The following SCAF8 variants were observed in gnomAD, a reference collection of about 807,000 sequenced individuals.
SCAF8 encodes the protein SR-related CTD associated factor 8.
In SCAF8, 23 loss-of-function variants were observed where a neutral mutation model predicts 140.5. The observed-to-expected ratio is 0.16, with a 90% CI of 0.12 to 0.23. The LOEUF is 0.23. Ranked by LOEUF, SCAF8 falls within the 10% of genes least tolerant of loss-of-function variation. The probability of loss-of-function intolerance (pLI) is 1.00; values close to 1 mark genes in which losing one functional copy is unlikely to be tolerated. For synonymous variants in SCAF8, 575 were observed against 528.9 expected, an observed-to-expected ratio of 1.09 and a Z score of -1.20; for missense variants, 1,397 against 1,555.7, an observed-to-expected ratio of 0.90 and a Z score of 1.72.
chr6:154,809,842 AC>A (rs1778037299), intron 11 of SCAF8, among the ~76,000 whole-genome samples, 172 bp from the exon 12 acceptor site: 1 of 152,202 alleles, frequency 6.6e-6, no homozygotes, highest in African/African-American at 2.4e-5. Flanking sequence ...TAAGCAGCAC[AC>A]GGATTTAAGT....
chr6:154,773,804 T>C (rs574651162), intron 1 of SCAF8, among the ~76,000 whole-genome samples, 185 bp from the exon 2 acceptor site: 23 of 152,338 alleles, frequency 1.5e-4, no homozygotes, highest in African/African-American at 5.3e-4. Context: ...AGCAAGTAAG[T>C]GTGAAGTGGT....
chr6:154,757,055 T>C (rs921273866), intron 1 of SCAF8, among the ~76,000 whole-genome samples: 2 of 151,756 alleles, frequency 1.3e-5, no homozygotes, highest in Non-Finnish European at 2.9e-5. Context: ...TTTTTGAGTC[T>C]CACTCTGTTG....
At chr6:154,735,182 A>C (rs1169558769) in intron 1 of SCAF8, among the ~76,000 whole-genome samples, 2 of 152,052 alleles carry the variant, frequency 1.3e-5, no homozygotes, top group African/African-American at 4.8e-5. Context: ...AATTAGCATA[A>C]ATTTTATGAA....
At chr6:154,816,979 G>T (rs1292546583) in intron 13 of SCAF8, among the ~76,000 whole-genome samples, 1 of 152,110 alleles carries the variant, frequency 6.6e-6, no homozygotes, top group Non-Finnish European at 1.5e-5. Context: ...GGGTACTTCA[G>T]ATTTCTCTTT....
At chr6:154,754,485 A>T (rs1562428243) in intron 1 of SCAF8, among the ~76,000 whole-genome samples, 1 of 152,250 alleles carries the variant, frequency 6.6e-6, no homozygotes, top group Admixed American at 6.5e-5. Flanking sequence ...ACTCACAAGC[A>T]GTTTGATTTT....
At position 154,733,799 on chromosome 6, in the gene SCAF8, C is replaced by T. The variant is rs1489034293; in HGVS notation, c.-102C>T. 7.0e-6 allele frequency: 10 copies of T among 1,423,546 alleles called. No individual in the cohort carries two copies. In the South Asian group the frequency reaches 7.7e-5, roughly 11 times the overall value. 88.2% of individuals were successfully genotyped at this position (1,423,546 alleles called of 1,614,324 possible). A position where few individuals can be genotyped will look rare whatever the true frequency, so the allele number is the denominator to read the frequency against. On this transcript the variant is annotated 5_prime_UTR_variant, in exon 1 of 20. Transcript: ENST00000367178. The stretch of plus-strand genomic sequence containing the variant: ...AGCGGCCCGCTCTCCCGCCAGCGCC[C>T]CCTCCTCGCGGCCACGCAGCAGCCC...
At chr6:154,746,516 G>A (rs77199240) in intron 1 of SCAF8, among the ~76,000 whole-genome samples, 15 of 152,214 alleles carry the variant, frequency 9.9e-5, no homozygotes, top group Non-Finnish European at 1.5e-4. Context: ...AGTAGGGTTC[G>A]TTCTAGCTTT....
At chr6:154,767,094 G>T (rs944944170) in intron 1 of SCAF8, among the ~76,000 whole-genome samples, 1 of 152,120 alleles carries the variant, frequency 6.6e-6, no homozygotes, top group African/African-American at 2.4e-5. Context: ...TCCCTTACTG[G>T]CAAGGGTACT....
chr6:154,831,255 C>CT (rs376887698), intron 19 of SCAF8, 115 bp downstream of exon 19: 8,068 of 620,662 alleles, frequency 0.013, 414 homozygotes, highest in African/African-American at 0.12. Flanking sequence ...AAATGTCGCA[C>CT]TTTTTTTTTA....
intron 1 of SCAF8, among the ~76,000 whole-genome samples, chr6:154,738,037 T>G (rs1778472832): frequency 6.6e-6 from 1 of 151,738 alleles, no homozygotes; most frequent in African/African-American, 2.4e-5. Context: ...GAATACAGAT[T>G]TTTGTGAATT....
chr6:154,746,197 T>A (rs912988916), intron 1 of SCAF8, among the ~76,000 whole-genome samples: 2 of 152,320 alleles, frequency 1.3e-5, no homozygotes, highest in South Asian at 4.1e-4. Flanking sequence ...AACTCATGGA[T>A]TTTTTTCTTA....
chr6:154,754,687 TGTTG>T (rs1778920800), intron 1 of SCAF8, among the ~76,000 whole-genome samples: 1 of 152,210 alleles, frequency 6.6e-6, no homozygotes, highest in African/African-American at 2.4e-5. Context: ...CAAATTTTTG[TGTTG>T]GTTAGTCTCA....
rs1277112569 is a variant in SCAF8, at chr6:154,818,598, AT to A, written c.1635+9del. On this transcript the variant is annotated splice_region_variant and intron_variant, in intron 14 of 19. Coordinates refer to ENST00000367178, the MANE Select transcript of SCAF8 (RefSeq NM_014892.5). The stretch of plus-strand genomic sequence containing the variant: ...TTGGGTCCAAGGTCATTAAGGTGAG[AT>A]TTGGTGGATTGGAACTTGGGGTAGG... 6.1e-6 allele frequency: 9 copies of A among 1,467,692 alleles called. No homozygotes were observed. The highest frequency in any genetic ancestry group is 1.8e-5 in the Admixed American group (1 of 55,652). The allele number at this position is 1,467,692 out of a possible 1,614,324, so 90.9% of individuals were successfully genotyped here.
At chr6:154,808,948 C>G in intron 11 of SCAF8, 150 bp downstream of exon 11, 1 of 604,872 alleles carries the variant, frequency 1.7e-6, no homozygotes, top group South Asian at 2.1e-5. Context: ...ACAAGATAAC[C>G]TTTGTTCTGT....
chr6:154,814,314 C>T (rs951568046), intron 12 of SCAF8, among the ~76,000 whole-genome samples: 1 of 152,200 alleles, frequency 6.6e-6, no homozygotes, highest in African/African-American at 2.4e-5. Flanking sequence ...TGAGACCTGT[C>T]TCAGAAACAA....
chr6:154,749,046 A>G (rs1458362970), intron 1 of SCAF8, among the ~76,000 whole-genome samples: 1 of 152,052 alleles, frequency 6.6e-6, no homozygotes, highest in Non-Finnish European at 1.5e-5. Flanking sequence ...GGTTCAAGTG[A>G]TTCTCCTGCC....
chr6:154,770,457 G>C (rs183358176), intron 1 of SCAF8, among the ~76,000 whole-genome samples: 3 of 151,078 alleles, frequency 2.0e-5, no homozygotes, highest in Non-Finnish European at 4.4e-5. Context: ...CTATAGTCCA[G>C]CTACTTGAGA....
chr6:154,774,120 T>G, intron 2 of SCAF8, 48 bp downstream of exon 2: 2 of 1,202,194 alleles, frequency 1.7e-6, no homozygotes, highest in Non-Finnish European at 2.5e-6. Flanking sequence ...AAAACTATAT[T>G]AATAGTTTGG....
intron 1 of SCAF8, among the ~76,000 whole-genome samples, chr6:154,744,207 G>A (rs1278268360): frequency 1.3e-5 from 2 of 152,116 alleles, no homozygotes; most frequent in African/African-American, 2.4e-5. Flanking sequence ...GCAGGAAATC[G>A]CTTGAACCGG....
Sources: gnomAD v4.1 joint callset for allele counts (sites outside exome capture counted in the v4.1 genomes callset) on GRCh38, gnomAD v4.1.1 for gene constraint, MANE v1.5 for transcripts, NCBI Gene and HGNC (gene_info 2026-07-23, HGNC 2026-07-21) for gene names.